Variants in CFAP47 observed in about 807,000 individuals in gnomAD.
CFAP47 encodes the protein cilia- and flagella-associated protein 47.
A neutral mutation model predicts 148.1 loss-of-function variants in CFAP47; 29 were observed. That is an observed-to-expected ratio of 0.20 (90% CI 0.15 to 0.27). The LOEUF (loss-of-function observed/expected upper bound fraction) is 0.27, where lower values mean the gene tolerates loss of function less well. Among genes scored for constraint, CFAP47 ranks in the 10% least tolerant of loss-of-function variants. CFAP47 has a pLI of 1.00. For missense variants in CFAP47, 1,872 were observed against 1,697.5 expected, an observed-to-expected ratio of 1.10 and a Z score of -1.81; for synonymous variants, 664 against 577.3, an observed-to-expected ratio of 1.15 and a Z score of -2.15.
chrX:36,338,330 T>A (rs1385911399), intron 57 of CFAP47, among the ~76,000 whole-genome samples: 2 of 111,021 alleles, frequency 1.8e-5, no homozygotes, highest in African/African-American at 6.5e-5. Flanking sequence ...AGCAAAACTA[T>A]TTGAAAGCCT....
At chrX:36,083,894 T>C (rs2146774916) in intron 29 of CFAP47, among the ~76,000 whole-genome samples, 1 of 111,650 alleles carries the variant, frequency 9.0e-6, no homozygotes, top group African/African-American at 3.2e-5. Context: ...ATTATGGTTT[T>C]TAATCAGTTC....
chrX:36,086,288 A>G (rs1448607292), intron 30 of CFAP47, among the ~76,000 whole-genome samples: 2 of 112,229 alleles, frequency 1.8e-5, no homozygotes, highest in East Asian at 2.8e-4. Context: ...TGCAACATCC[A>G]TGTACACTGA....
chrX:36,240,419 TATATC>T (rs61697504), intron 48 of CFAP47, among the ~76,000 whole-genome samples: 11,321 of 110,836 alleles, frequency 0.1, 573 homozygotes, highest in East Asian at 0.25. Context: ...TTTCAATAAA[TATATC>T]ATATAAATAT....
intron 29 of CFAP47, among the ~76,000 whole-genome samples, chrX:36,076,226 C>A: frequency 9.6e-6 from 1 of 104,067 alleles, no homozygotes; most frequent in African/African-American, 3.5e-5. Context: ...ATGTGCATAA[C>A]GTGCAGGTTT....
chrX:36,192,490 G>A (rs1157723242), intron 42 of CFAP47, among the ~76,000 whole-genome samples: 2 of 111,736 alleles, frequency 1.8e-5, no homozygotes, highest in African/African-American at 3.3e-5. Flanking sequence ...TGTCTAGCAT[G>A]TGAACACCCA....
chrX:36,123,752 T>C (rs778714574), intron 33 of CFAP47, among the ~76,000 whole-genome samples: 2 of 111,443 alleles, frequency 1.8e-5, no homozygotes, highest in Non-Finnish European at 3.8e-5. Context: ...AATCGGGGAC[T>C]CCAGGAGCCC....
chrX:36,235,895 T>G lies in CFAP47; in HGVS notation c.7015-39T>G, dbSNP rs186797534. The G allele has an allele frequency of 4.6e-5, 20 of 435,125 alleles. No individual in the cohort carries two copies. In the Admixed American group the frequency reaches 6.0e-4, roughly 13 times the overall value. The allele number at this position is 435,125 out of a possible 1,213,427, so 35.9% of individuals were successfully genotyped here. On this transcript the variant is annotated intron_variant, in intron 46 of 63. Coordinates refer to ENST00000378653, the MANE Select transcript of CFAP47 (RefSeq NM_001304548.2). Reference sequence around the variant, plus strand: ...CATATGTAATTCAATTTCATCAATATCATCTCTCTGATATTTCTGTACCTT... The same window carrying G: ...CATATGTAATTCAATTTCATCAATAGCATCTCTCTGATATTTCTGTACCTT...
intron 16 of CFAP47, among the ~76,000 whole-genome samples, chrX:35,991,129 A>C (rs1400427450): frequency 1.8e-5 from 2 of 111,243 alleles, no homozygotes; most frequent in Non-Finnish European, 3.8e-5. Context: ...ATACTTAATC[A>C]CCCGAAATTT....
intron 57 of CFAP47, among the ~76,000 whole-genome samples, chrX:36,337,829 C>G (rs1941617922): frequency 9.5e-6 from 1 of 104,814 alleles, no homozygotes; most frequent in Admixed American, 1.0e-4. Flanking sequence ...TGAAGCTGTC[C>G]AATTTTCTCC....
intron 33 of CFAP47, among the ~76,000 whole-genome samples, chrX:36,132,728 C>T (rs1487419783): frequency 9.0e-6 from 1 of 111,648 alleles, no homozygotes; most frequent in African/African-American, 3.2e-5. Flanking sequence ...TTCACATCAT[C>T]GCCTTGGAAG....
chrX:35,958,961 T>G (rs1936284001), intron 8 of CFAP47, among the ~76,000 whole-genome samples: 1 of 111,679 alleles, frequency 9.0e-6, no homozygotes, highest in Admixed American at 9.5e-5. Flanking sequence ...TCCATTGATT[T>G]CTGGCTCTGA....
intron 48 of CFAP47, among the ~76,000 whole-genome samples, chrX:36,243,624 AAACTT>A (rs200636796): frequency 0.058 from 5,554 of 96,377 alleles, 363 homozygotes; most frequent in African/African-American, 0.19. Flanking sequence ...AGTCAACAAA[AAACTT>A]AACTATTATA....
chrX:36,002,098 T>C (rs1936921839), intron 21 of CFAP47, among the ~76,000 whole-genome samples: 1 of 111,521 alleles, frequency 9.0e-6, no homozygotes, highest in South Asian at 3.8e-4. Context: ...TAAGAGGAGT[T>C]GCTATGATAT....
chrX:36,356,045 A>T (rs1366222072), intron 60 of CFAP47, among the ~76,000 whole-genome samples: 1 of 111,885 alleles, frequency 8.9e-6, no homozygotes, highest in African/African-American at 3.2e-5. Context: ...ACTCCTAGAT[A>T]ATCAGGGTCT....
At position 35,951,172 on chromosome X, in the gene CFAP47, A is replaced by T; in HGVS notation, c.698A>T (p.Lys233Ile). Residue 233 changes from lysine to isoleucine, a missense_variant, in exon 5 of 64, where the codon AAA (lysine) becomes ATA (isoleucine). Transcript: ENST00000378653. ...CAACCTGAGATGCTCTTGAGTATCA[A>T]AGCTCATGTGGTTGAGCAGATTATT... Reference protein sequence around the residue: ...QGQPEMLLSIKAHVVEQIIEL... With the variant: ...QGQPEMLLSIIAHVVEQIIEL... 1.7e-6 allele frequency: 2 copies of T among 1,211,310 alleles called. No homozygotes were observed. Among genetic ancestry groups the T allele is most frequent in the Non-Finnish European group, 2.2e-6 (2 of 894,908 alleles).
Position 35,975,462 on chromosome X carries a change from G to T in CFAP47, c.2471+99G>T, listed in dbSNP as rs762492775. 1.3e-3 allele frequency: 839 copies of T among 649,823 alleles called. 1 individual carries two copies. Among genetic ancestry groups the T allele is most frequent in the Non-Finnish European group, 1.8e-3 (779 of 434,956 alleles). The allele number at this position is 649,823 out of a possible 1,213,427, so 53.6% of individuals were successfully genotyped here. ...AATAATTGTATTGTATATTATATTT[G>T]TTCTCCAAACATAGAAGCTATATGT... On this transcript the variant is annotated intron_variant, in intron 14 of 63. Coordinates refer to ENST00000378653, the MANE Select transcript of CFAP47 (RefSeq NM_001304548.2).
At chrX:36,166,923 T>C (rs189907599) in intron 39 of CFAP47, among the ~76,000 whole-genome samples, 1 of 111,880 alleles carries the variant, frequency 8.9e-6, no homozygotes, top group African/African-American at 3.3e-5. Context: ...TTGGCAGGGC[T>C]CCCTGTGTGT....
chrX:36,218,642 T>C (rs1353171071), intron 45 of CFAP47, among the ~76,000 whole-genome samples: 1 of 112,019 alleles, frequency 8.9e-6, no homozygotes, highest in Admixed American at 9.5e-5. Context: ...AAGAGGTTTA[T>C]TCTGAGCCAA....
intron 19 of CFAP47, 70 bp from the exon 20 acceptor site, chrX:36,000,213 A>G: frequency 3.9e-6 from 1 of 259,025 alleles, no homozygotes; most frequent in East Asian, 5.5e-5. Flanking sequence ...TAAATATAAT[A>G]TTGCAAGTTT....
Sources: gnomAD v4.1 joint callset for allele counts (sites outside exome capture counted in the v4.1 genomes callset) on GRCh38, gnomAD v4.1.1 for gene constraint, MANE v1.5 for transcripts, NCBI Gene and HGNC (gene_info 2026-07-23, HGNC 2026-07-21) for gene names.